DBNDD1: variants seen among roughly 807,000 people sequenced by gnomAD.
DBNDD1 encodes the protein dysbindin domain-containing protein 1.
In DBNDD1, 14 loss-of-function variants were observed where a neutral mutation model predicts 17.0. The observed-to-expected ratio is 0.82, with a 90% CI of 0.54 to 1.29. The LOEUF (loss-of-function observed/expected upper bound fraction) is 1.29. Among genes scored for constraint, DBNDD1 ranks in the 50% most tolerant of loss-of-function variants. The pLI is 0.00. For missense variants in DBNDD1, 221 were observed against 216.2 expected (o/e 1.02, Z -0.14); for synonymous variants, 105 against 102.0 (o/e 1.03, Z -0.18).
At chr16:90,018,988 C>A (rs372204257) in intron 1 of DBNDD1, among the ~76,000 whole-genome samples, 7 of 152,194 alleles carry the variant, frequency 4.6e-5, no homozygotes, top group Non-Finnish European at 1.0e-4. Flanking sequence ...GAACCCCCCT[C>A]CCCCGCTCCC....
intron 1 of DBNDD1, chr16:90,009,767 G>A (rs752737097): frequency 4.7e-5 from 32 of 677,998 alleles, no homozygotes; most frequent in South Asian, 2.2e-4. Flanking sequence ...TTCCAGTGCC[G>A]TCCTGGCCTC....
intron 1 of DBNDD1, among the ~76,000 whole-genome samples, chr16:90,016,087 A>C (rs1406520936): frequency 6.6e-6 from 1 of 152,214 alleles, no homozygotes; most frequent in East Asian, 1.9e-4. Context: ...GAAATGACAG[A>C]GACTCACATA....
intron 1 of DBNDD1, among the ~76,000 whole-genome samples, chr16:90,013,280 A>AAAAAAAAAAAAAAAAAAAAAAAAAAAAC: frequency 6.7e-6 from 1 of 149,788 alleles, no homozygotes; most frequent in Non-Finnish European, 1.5e-5. Flanking sequence ...AAAAAAAAAA[A>AAAAAAAAAAAAAAAAAAAAAAAAAAAAC]AAAGACAGTG....
chr16:90,009,848 C>T (rs753374412), intron 1 of DBNDD1: 315 of 1,105,624 alleles, frequency 2.8e-4, no homozygotes, highest in Non-Finnish European at 4.0e-4. Flanking sequence ...TCTTGGTCCC[C>T]TTCAAACCAG....
intron 2 of DBNDD1, 97 bp from the exon 3 acceptor site, chr16:90,009,021 A>G: frequency 2.8e-6 from 4 of 1,420,960 alleles, no homozygotes; most frequent in Non-Finnish European, 3.7e-6. Flanking sequence ...TCCTCCCACA[A>G]GGCTGTGGGT....
In DBNDD1 at chr16:90,006,474, C is replaced by T. The variant is rs201280965; in HGVS notation, c.338G>A (p.Arg113Gln). The change falls in exon 4 of 4, where the codon CGG (arginine) becomes CAG (glutamine). Residue 113 changes from arginine (R) to glutamine (Q), a missense_variant. Physicochemically the swap from Arg to Gln is conservative, Grantham distance 43 (BLOSUM62 1). Coordinates refer to ENST00000002501, the MANE Select transcript of DBNDD1 (RefSeq NM_001042610.3). ...ESPAGLHPLP[R>Q]AGYLRSPSWT... ...GGAAGGGGAGCGCAGGTAGCCGGCC[C>T]GGGGCAGCGGGTGCAGACCTAGGGG... 153 of 1,598,776 alleles carry T rather than the reference C, an allele frequency of 9.6e-5. No homozygotes were observed. Among genetic ancestry groups the T allele is most frequent in the Non-Finnish European group, 1.2e-4 (138 of 1,179,678 alleles).
At chr16:90,011,488 G>A (rs1391514493) in intron 1 of DBNDD1, 12 of 348,780 alleles carry the variant, frequency 3.4e-5, no homozygotes, top group Non-Finnish European at 5.2e-5. Flanking sequence ...GCCTGGCAGC[G>A]AGCCGAGTGT....
In DBNDD1 at chr16:90,019,250, G is replaced by T; in HGVS notation, c.31+61C>A. On this transcript the variant is annotated intron_variant, in intron 1 of 3. Transcript: ENST00000002501. This position sits in a 1 kb window ranked among gnomAD's most constrained non-coding sequence, Gnocchi z 6.1. ...GCGAAGGGTGAGCCCTGGGGGGAGG[G>T]GCTGCGGCTCGCTGCGGGGAAGCGC... is the stretch of plus-strand genomic sequence containing the variant. 1.1e-6 allele frequency: 1 copy of T among 912,080 alleles called. No individual in the cohort carries two copies. The highest frequency in any genetic ancestry group is 1.4e-6 in the Non-Finnish European group (1 of 699,786). The allele number at this position is 912,080 out of a possible 1,614,324, so 56.5% of individuals were successfully genotyped here.
chr16:90,013,262 TAAAAAAA>T (rs59831191), intron 1 of DBNDD1, among the ~76,000 whole-genome samples: 2 of 49,182 alleles, frequency 4.1e-5, no homozygotes, highest in South Asian at 1.0e-3. Flanking sequence ...AACCTTGCCT[TAAAAAAA>T]AAAAAAAAAA....
intron 1 of DBNDD1, among the ~76,000 whole-genome samples, chr16:90,013,568 A>C (rs2035591924): frequency 6.6e-6 from 1 of 152,172 alleles, no homozygotes; most frequent in Non-Finnish European, 1.5e-5. Context: ...CAGAGGGAGC[A>C]GGAAGTCCCC....
rs201885286 is a variant in DBNDD1, at chr16:90,009,242, C to T, written c.178+42G>A. On this transcript the variant is annotated intron_variant, in intron 2 of 3. Coordinates refer to ENST00000002501, the MANE Select transcript of DBNDD1 (RefSeq NM_001042610.3). ...CTGCCTTGTCTCTTGGGGGAGCTCA[C>T]GGGGTCCCCATAGCGTGCGCTGGGC... The T allele has an allele frequency of 4.9e-5, 78 of 1,606,468 alleles. 1 individual carries two copies. The highest frequency in any genetic ancestry group is 6.8e-5 in the Admixed American group (4 of 58,756).
intron 2 of DBNDD1, 151 bp downstream of exon 2, chr16:90,009,133 T>C (rs1048248575): frequency 7.7e-7 from 1 of 1,296,452 alleles, no homozygotes; most frequent in South Asian, 1.5e-5. Flanking sequence ...CAGCTGAGGC[T>C]CAGAGAACCA....
At chr16:90,019,884 G>C (rs1567839055), upstream of DBNDD1, 6 of 676,790 alleles carry the variant, frequency 8.9e-6, no homozygotes, top group Non-Finnish European at 1.6e-5. This position sits in a 1 kb window ranked among gnomAD's most constrained non-coding sequence, Gnocchi z 6.1. Flanking sequence ...CCTGGATGGC[G>C]CGAATTAACG....
intron 1 of DBNDD1, among the ~76,000 whole-genome samples, chr16:90,012,975 C>T (rs1195829563): frequency 6.6e-6 from 1 of 151,918 alleles, no homozygotes; most frequent in Non-Finnish European, 1.5e-5. Flanking sequence ...TGGGTTCAAG[C>T]GATCATACAC....
chr16:90,012,222 A>G (rs2035566643), intron 1 of DBNDD1, among the ~76,000 whole-genome samples: 1 of 152,206 alleles, frequency 6.6e-6, no homozygotes. Flanking sequence ...GAGCCCTGAG[A>G]GCAGGTACGA....
chr16:90,006,294 C>A lies in DBNDD1; in HGVS notation c.*41G>T, dbSNP rs116502202. The A allele has an allele frequency of 1.3e-6, 2 of 1,572,396 alleles. No homozygotes were observed. The highest frequency in any genetic ancestry group is 8.6e-7 in the Non-Finnish European group (1 of 1,158,764). On this transcript the variant is annotated 3_prime_UTR_variant, in exon 4 of 4. Coordinates refer to ENST00000002501, the MANE Select transcript of DBNDD1 (RefSeq NM_001042610.3). Reference sequence around the variant, plus strand: ...CACTGCCCAGATCTGCCATCGTGTTCGGACCCCATCCCTGCAGGAGCTGGG... The same window carrying A: ...CACTGCCCAGATCTGCCATCGTGTTAGGACCCCATCCCTGCAGGAGCTGGG...
chr16:90,016,176 G>T (rs543043013), intron 1 of DBNDD1, among the ~76,000 whole-genome samples: 3 of 152,152 alleles, frequency 2.0e-5, no homozygotes, highest in Admixed American at 2.0e-4. Flanking sequence ...AGAAGCATCA[G>T]CTCTAAGCGG....
intron 1 of DBNDD1, chr16:90,009,762 G>T: frequency 6.0e-6 from 4 of 667,006 alleles, no homozygotes; most frequent in South Asian, 6.0e-5. Flanking sequence ...CTGCATTCCA[G>T]TGCCGTCCTG....
intron 1 of DBNDD1, among the ~76,000 whole-genome samples, chr16:90,014,512 A>G (rs12921906): frequency 0.8 from 121,016 of 151,634 alleles, 49,248 homozygotes; most frequent in South Asian, 0.89. Context: ...GCTGAGATGG[A>G]GGTCCCAAGC....
Sources: allele counts gnomAD v4.1 joint callset (sites outside exome capture counted in the v4.1 genomes callset), GRCh38; gene constraint gnomAD v4.1.1; non-coding constraint Gnocchi (gnomAD v3.1); transcripts MANE v1.5; gene names NCBI Gene and HGNC (gene_info 2026-07-23, HGNC 2026-07-21).